TEX15: variants seen among roughly 807,000 people sequenced by gnomAD.
The protein encoded by TEX15 is testis expressed 15, meiosis and synapsis associated, also known as testis-expressed protein 15.
TEX15 carries 171 observed loss-of-function variants against 237.3 expected under a neutral mutation model. The ratio of observed to expected loss-of-function variants is 0.72; its 90% CI spans 0.64 to 0.82. The LOEUF is 0.82. Ranked by LOEUF, TEX15 falls within the 40% of genes least tolerant of loss-of-function variation. TEX15 has a pLI of 0.00. For missense variants in TEX15, 3,750 were observed against 3,646.5 expected (o/e 1.03, Z -0.73); for synonymous variants, 1,338 against 1,269.8 (o/e 1.05, Z -1.14).
chr8:30,908,178 C>T (rs28729090), intron 1 of TEX15, among the ~76,000 whole-genome samples: 1 of 151,956 alleles, frequency 6.6e-6, no homozygotes, highest in Non-Finnish European at 1.5e-5. Context: ...CCCACCTCAG[C>T]CTTCTAAGGT....
intron 1 of TEX15, among the ~76,000 whole-genome samples, chr8:30,903,386 G>A (rs572077242): frequency 1.3e-5 from 2 of 152,290 alleles, no homozygotes; most frequent in African/African-American, 4.8e-5. Context: ...CAGGGGTTAG[G>A]ACTCCCTTGG....
intron 1 of TEX15, among the ~76,000 whole-genome samples, chr8:30,910,408 A>G (rs527455100): frequency 7.6e-4 from 116 of 152,246 alleles, no homozygotes; most frequent in African/African-American, 2.1e-3. Context: ...CCACTGGCCA[A>G]TAAGACTCCT....
intron 1 of TEX15, among the ~76,000 whole-genome samples, chr8:30,901,914 A>C (rs1288145494): frequency 6.6e-6 from 1 of 152,218 alleles, no homozygotes; most frequent in Non-Finnish European, 1.5e-5. Flanking sequence ...CTGGCTACGC[A>C]AGCTGGGGGA....
chr8:30,874,862 G>T, intron 4 of TEX15, 75 bp downstream of exon 4: 1 of 886,006 alleles, frequency 1.1e-6, no homozygotes, highest in Non-Finnish European at 1.5e-6. Context: ...TCATATGGTA[G>T]AAATGAATTA....
chr8:30,912,323 G>T (rs1396811689), intron 1 of TEX15, among the ~76,000 whole-genome samples: 20 of 1,262 alleles, frequency 0.016, no homozygotes, highest in African/African-American at 0.068. Context: ...GCGGTCCCGG[G>T]GCGGCGGGGC....
At chr8:30,889,851 T>C (rs1808745612) in intron 2 of TEX15, among the ~76,000 whole-genome samples, 1 of 150,496 alleles carries the variant, frequency 6.6e-6, no homozygotes, top group African/African-American at 2.4e-5. Flanking sequence ...CTATAACCTT[T>C]ATATTTATAT....
intron 1 of TEX15, among the ~76,000 whole-genome samples, chr8:30,908,915 A>T (rs1461262330): frequency 6.6e-6 from 1 of 152,202 alleles, no homozygotes; most frequent in Non-Finnish European, 1.5e-5. Context: ...ACTAGATTAC[A>T]ATGGTTCCTG....
In TEX15 at chr8:30,864,114, GA is replaced by G. The variant is rs371153437; in HGVS notation, c.540+3150del. On this transcript the variant is annotated intron_variant, in intron 5 of 10. Coordinates refer to ENST00000643185, the MANE Select transcript of TEX15 (RefSeq NM_001350162.2). ...AACAAAATGGAAATATCAATAAAGA[GA>G]AAACTTAAAAACCAAAAAGAAATCC... Among the ~76,000 whole-genome samples the G allele has an allele frequency of 8.9e-3, 1,357 of 152,028 alleles. 20 individuals carry two copies. The highest frequency in any genetic ancestry group is 0.031 in the African/African-American group (1,280 of 41,474).
intron 1 of TEX15, among the ~76,000 whole-genome samples, chr8:30,909,401 C>A (rs914201461): frequency 2.8e-5 from 4 of 142,782 alleles, no homozygotes; most frequent in Admixed American, 2.1e-4. Context: ...CAGACCCCCC[C>A]CCGCCCCCAC....
intron 3 of TEX15, among the ~76,000 whole-genome samples, chr8:30,875,538 G>T (rs749959753): frequency 2.8e-4 from 42 of 152,334 alleles, no homozygotes; most frequent in South Asian, 6.2e-4. Context: ...TGTGTAAGAT[G>T]CTGCCTGATA....
rs1563241680 is a variant in TEX15 at position 30,847,218 on chromosome 8, A to G, written c.2949T>C (p.Ala983=). 5.0e-6 allele frequency: 8 copies of G among 1,614,010 alleles called. No homozygotes were observed. The highest frequency in any genetic ancestry group is 6.8e-6 in the Non-Finnish European group (8 of 1,179,886). Residue 983 remains alanine, a synonymous_variant, in exon 8 of 11, where the codon GCT becomes GCC. Coordinates refer to ENST00000643185, the MANE Select transcript of TEX15 (RefSeq NM_001350162.2). ...TAGTAGCACTAGCTATCTGTATTGCAGCATTTGAGGCTACACACACTGAAG... is the reference window on the plus strand; with the variant it reads ...TAGTAGCACTAGCTATCTGTATTGCGGCATTTGAGGCTACACACACTGAAG... ...ASSSVCVASN[A]AIQIASATMP...
chr8:30,833,392 A>C, intron 10 of TEX15, 69 bp from the exon 11 acceptor site: 1 of 1,211,694 alleles, frequency 8.3e-7, no homozygotes, highest in South Asian at 1.5e-5. Flanking sequence ...ACTATAGTGG[A>C]AAGAACCTGA....
chr8:30,851,956 C>G (rs895303955), intron 7 of TEX15, among the ~76,000 whole-genome samples: 3 of 152,166 alleles, frequency 2.0e-5, no homozygotes, highest in Admixed American at 1.3e-4. Context: ...CAAAAAAACC[C>G]TAACTGCTTA....
chr8:30,843,417 A>G lies in TEX15; in HGVS notation c.6750T>C (p.Asn2250=). Residue 2250 remains asparagine (N), a synonymous_variant, in exon 8 of 11, where the codon AAT becomes AAC. Transcript: ENST00000643185. ...IIIEMISSKV[N]FIKNNEAVRV... ...GTACTGCCTCGTTGTTCTTAATAAAATTAACCTTTGAGGAGATCATTTCTA... is the reference window on the plus strand; with the variant it reads ...GTACTGCCTCGTTGTTCTTAATAAAGTTAACCTTTGAGGAGATCATTTCTA... The G allele has an allele frequency of 1.2e-6, 2 of 1,613,224 alleles. No individual in the cohort carries two copies. Among genetic ancestry groups the G allele is most frequent in the Non-Finnish European group, 1.7e-6 (2 of 1,179,690 alleles).
chr8:30,855,986 C>G (rs1030778603), intron 7 of TEX15, among the ~76,000 whole-genome samples: 1 of 151,996 alleles, frequency 6.6e-6, no homozygotes, highest in Non-Finnish European at 1.5e-5. Context: ...TGCTCTTTCA[C>G]CCAGGCTGTA....
intron 3 of TEX15, among the ~76,000 whole-genome samples, chr8:30,880,933 T>C (rs1808506548): frequency 1.3e-5 from 2 of 152,192 alleles, no homozygotes; most frequent in Admixed American, 6.6e-5. Context: ...TCTTTTTTTT[T>C]TAAGATTCCT....
intron 1 of TEX15, among the ~76,000 whole-genome samples, chr8:30,899,056 TTC>T (rs1171775046): frequency 2.0e-5 from 3 of 152,104 alleles, no homozygotes; most frequent in African/African-American, 4.8e-5. Flanking sequence ...CAATAAGCTT[TTC>T]TCTTTTTCTT....
At position 30,892,849 on chromosome 8, in the gene TEX15, C is replaced by A. The variant is rs192882419; in HGVS notation, c.-9-5538G>T. ...GAGATCGAGACCATCCTGGCTAACA[C>A]GGTAAAACCCCGTCTCTACTAAAAA... On this transcript the variant is annotated intron_variant, in intron 2 of 10. Coordinates refer to ENST00000643185, the MANE Select transcript of TEX15 (RefSeq NM_001350162.2). Among the ~76,000 whole-genome samples, 630 of 151,986 alleles carry A rather than the reference C, an allele frequency of 4.1e-3. 5 individuals are homozygous for A. Among genetic ancestry groups the A allele is most frequent in the African/African-American group, 0.015 (602 of 41,462 alleles).
At chr8:30,911,057 T>C (rs1450030208) in intron 1 of TEX15, among the ~76,000 whole-genome samples, 1 of 152,196 alleles carries the variant, frequency 6.6e-6, no homozygotes, top group Non-Finnish European at 1.5e-5. Context: ...TTTAAAAATA[T>C]TCAATAAATT....
Sources: allele counts gnomAD v4.1 joint callset (sites outside exome capture counted in the v4.1 genomes callset), GRCh38; gene constraint gnomAD v4.1.1; transcripts MANE v1.5; gene names NCBI Gene and HGNC (gene_info 2026-07-23, HGNC 2026-07-21).